Variants in CELF2 observed in about 807,000 individuals in gnomAD.
CELF2 encodes the protein CUGBP Elav-like family member 2.
In CELF2, 8 loss-of-function variants were observed where a neutral mutation model predicts 62.6. The observed-to-expected ratio is 0.13, with a 90% confidence interval of 0.07 to 0.23. CELF2 has a LOEUF of 0.23. Among genes scored for constraint, CELF2 ranks in the 10% least tolerant of loss-of-function variants. CELF2 has a pLI of 1.00. For missense variants in CELF2, 333 were observed against 671.0 expected (o/e 0.50, Z 5.56); for synonymous variants, 258 against 250.0 (o/e 1.03, Z -0.30).
chr10:11,256,401 G>T (rs2078743913), intron 4 of CELF2, among the ~76,000 whole-genome samples: 1 of 152,136 alleles, frequency 6.6e-6, no homozygotes, highest in Admixed American at 6.5e-5. Context: ...AAATGAAAAT[G>T]AGACACTTCC....
the CELF2 span, among the ~76,000 whole-genome samples, chr10:10,771,371 C>A: frequency 6.6e-6 from 1 of 152,282 alleles, no homozygotes; most frequent in East Asian, 1.9e-4. Context: ...CTGGCAGAAG[C>A]CTGTCTTTAG....
chr10:10,653,056 G>T, the CELF2 span, among the ~76,000 whole-genome samples: 1 of 151,992 alleles, frequency 6.6e-6, no homozygotes, highest in Admixed American at 6.5e-5. Flanking sequence ...AAAAAGGCAG[G>T]GGTTGCAATC....
chr10:10,648,274 C>G, the CELF2 span, among the ~76,000 whole-genome samples: 7 of 152,140 alleles, frequency 4.6e-5, no homozygotes, highest in Non-Finnish European at 7.3e-5. Context: ...TCCCAGGGAA[C>G]CCGTACCAGT....
At chr10:10,877,898 A>G (rs926583234) in intron 1 of CELF2, among the ~76,000 whole-genome samples, 1 of 152,204 alleles carries the variant, frequency 6.6e-6, no homozygotes, top group Non-Finnish European at 1.5e-5. Context: ...AGTTGAGAGC[A>G]TACATCTCTT....
the CELF2 span, among the ~76,000 whole-genome samples, chr10:10,751,095 TAAG>T: frequency 6.6e-6 from 1 of 152,250 alleles, no homozygotes; most frequent in South Asian, 2.1e-4. Context: ...CCAGCAGGCT[TAAG>T]AAGATCTCAC....
intron 1 of CELF2, among the ~76,000 whole-genome samples, chr10:10,872,382 A>G (rs1434241125): frequency 6.6e-6 from 1 of 152,248 alleles, no homozygotes; most frequent in Non-Finnish European, 1.5e-5. Context: ...GGAAGAAAAA[A>G]AATCAGTCAC....
intron 1 of CELF2, among the ~76,000 whole-genome samples, chr10:11,148,472 G>A (rs2062682435): frequency 6.6e-6 from 1 of 152,160 alleles, no homozygotes; most frequent in South Asian, 2.1e-4. Context: ...AATAATTGAA[G>A]CTGAGACGCA....
rs552841125 is a variant in CELF2, at chr10:11,005,559, A to G, written c.53+119A>G. ...TACCTTAGAAGAGAAGGGGGGAAAA[A>G]GAATCTAAAGAGGAAGAGGGAGATG... On this transcript the variant is annotated intron_variant, in intron 1 of 12. Coordinates refer to the CELF2 transcript ENST00000416382. The surrounding 1 kb of genome is among the most constrained non-coding windows in gnomAD (Gnocchi z 4.3). The G allele has an allele frequency of 3.4e-6, 5 of 1,451,856 alleles. No homozygotes were observed. In the South Asian group the frequency reaches 3.5e-5, roughly 10 times the overall value. 89.9% of individuals were successfully genotyped at this position (1,451,856 alleles called of 1,614,324 possible).
intron 1 of CELF2, among the ~76,000 whole-genome samples, chr10:11,070,711 G>T (rs1291863): frequency 0.27 from 41,123 of 152,016 alleles, 6,151 homozygotes; most frequent in African/African-American, 0.38. Flanking sequence ...CGATGAGCTT[G>T]TGAAGGAGAC....
At chr10:10,677,006 C>T in the CELF2 span, among the ~76,000 whole-genome samples, 2 of 152,110 alleles carry the variant, frequency 1.3e-5, no homozygotes, top group African/African-American at 4.8e-5. Context: ...CATTTATTAA[C>T]AATGTAAAGT....
intron 1 of CELF2, among the ~76,000 whole-genome samples, chr10:11,094,851 G>T (rs2049345957): frequency 6.6e-6 from 1 of 152,294 alleles, no homozygotes; most frequent in Admixed American, 6.5e-5. Context: ...ACATTGACAA[G>T]AACTCTAGTG....
intron 1 of CELF2, among the ~76,000 whole-genome samples, chr10:10,810,881 A>G (rs2055804048): frequency 6.6e-6 from 1 of 152,210 alleles, no homozygotes; most frequent in Non-Finnish European, 1.5e-5. Flanking sequence ...GGGCAGGAAG[A>G]AAAATAATTT....
At chr10:11,169,630 C>G (rs1460205668) in intron 2 of CELF2, among the ~76,000 whole-genome samples, 1 of 152,186 alleles carries the variant, frequency 6.6e-6, no homozygotes, top group Non-Finnish European at 1.5e-5. Context: ...GCCTTCCTTC[C>G]CAGGCTGAAG....
intron 2 of CELF2, among the ~76,000 whole-genome samples, chr10:11,210,363 C>T (rs551989288): frequency 6.6e-6 from 1 of 152,302 alleles, no homozygotes; most frequent in East Asian, 1.9e-4. Flanking sequence ...GACCCTGGGG[C>T]AGAGTCCACT....
chr10:11,099,060 A>T (rs1290924546), intron 1 of CELF2, among the ~76,000 whole-genome samples: 1 of 152,254 alleles, frequency 6.6e-6, no homozygotes, highest in Non-Finnish European at 1.5e-5. Flanking sequence ...GGGCCATGAG[A>T]CAACCCTTTG....
At chr10:11,194,922 G>A (rs985540208) in intron 2 of CELF2, among the ~76,000 whole-genome samples, 3 of 152,218 alleles carry the variant, frequency 2.0e-5, no homozygotes, top group Non-Finnish European at 4.4e-5. Flanking sequence ...AGGATCTCAG[G>A]AAGGAGTGGA....
chr10:11,116,779 A>C (rs2143697393), intron 1 of CELF2, among the ~76,000 whole-genome samples: 1 of 152,366 alleles, frequency 6.6e-6, no homozygotes, highest in Non-Finnish European at 1.5e-5. Context: ...GCGTCTATTA[A>C]AAATTCATCA....
At chr10:10,764,564 CTG>C in the CELF2 span, among the ~76,000 whole-genome samples, 1 of 152,222 alleles carries the variant, frequency 6.6e-6, no homozygotes, top group Non-Finnish European at 1.5e-5. Flanking sequence ...TAGAGGATCA[CTG>C]TGTCTGGAAG....
At chr10:11,304,583 C>T (rs1345961491) in intron 9 of CELF2, among the ~76,000 whole-genome samples, 1 of 151,754 alleles carries the variant, frequency 6.6e-6, no homozygotes, top group Non-Finnish European at 1.5e-5. Flanking sequence ...AGTGTGCTAA[C>T]ATGCTTGCTC....
Sources: allele counts gnomAD v4.1 joint callset (sites outside exome capture counted in the v4.1 genomes callset), GRCh38; gene constraint gnomAD v4.1.1; non-coding constraint Gnocchi (gnomAD v3.1); transcripts MANE v1.5; gene names NCBI Gene and HGNC (gene_info 2026-07-23, HGNC 2026-07-21).